The following ASPRV1 variants were observed in gnomAD, a reference collection of about 807,000 sequenced individuals.
The protein encoded by ASPRV1 is aspartic peptidase retroviral like 1, also known as retroviral-like aspartic protease 1.
Under a neutral mutation model 11.0 loss-of-function variants are expected in ASPRV1, and 7 were observed. That is an observed-to-expected ratio of 0.64 (90% confidence interval 0.36 to 1.20). ASPRV1 has a LOEUF of 1.20. ASPRV1 is among the 50% of genes most tolerant of loss of function. The pLI is 0.02. For synonymous variants in ASPRV1, 136 were observed against 138.4 expected (o/e 0.98, Z 0.12); for missense variants, 299 against 320.0 (o/e 0.93, Z 0.50).
downstream of ASPRV1, among the ~76,000 whole-genome samples, chr2:69,959,058 G>A (rs991327785): frequency 2.0e-5 from 3 of 152,164 alleles, no homozygotes; most frequent in Non-Finnish European, 2.9e-5. Context: ...TCGGAGGGAA[G>A]AAGGGGCCAG....
At chr2:70,013,028 A>G in the ASPRV1 span, among the ~76,000 whole-genome samples, 397 of 152,330 alleles carry the variant, frequency 2.6e-3, 8 homozygotes, top group Non-Finnish European at 5.9e-4. Flanking sequence ...TAGATACCTA[A>G]AGACTTCTTA....
the ASPRV1 span, among the ~76,000 whole-genome samples, chr2:69,945,813 C>T: frequency 1.3e-5 from 2 of 152,214 alleles, no homozygotes; most frequent in Non-Finnish European, 2.9e-5. Context: ...GGTATTGGAG[C>T]TAGAGAGGCC....
the ASPRV1 span, chr2:70,069,008 G>A: frequency 6.6e-6 from 1 of 151,252 alleles, no homozygotes; most frequent in Non-Finnish European, 1.5e-5. Context: ...AGAGATCATG[G>A]GCAGCTTTCT....
the ASPRV1 span, among the ~76,000 whole-genome samples, chr2:70,021,920 G>A: frequency 6.6e-6 from 1 of 150,800 alleles, no homozygotes; most frequent in Non-Finnish European, 1.5e-5. Context: ...TAGCCAAGAT[G>A]GTCTCGATCT....
At chr2:69,996,226 A>AAC in the ASPRV1 span, among the ~76,000 whole-genome samples, 1 of 150,502 alleles carries the variant, frequency 6.6e-6, no homozygotes, top group African/African-American at 2.4e-5. Flanking sequence ...AAAAAAAAAA[A>AAC]AAAAAAAAAA....
the ASPRV1 span, among the ~76,000 whole-genome samples, chr2:69,973,373 A>G: frequency 6.6e-6 from 1 of 152,116 alleles, no homozygotes; most frequent in African/African-American, 2.4e-5. Context: ...CAGATGTTGG[A>G]ACTTCACTTG....
At chr2:69,944,317 G>GA in the ASPRV1 span, among the ~76,000 whole-genome samples, 46 of 152,320 alleles carry the variant, frequency 3.0e-4, no homozygotes, top group African/African-American at 1.1e-3. Context: ...GTAGCTGGAT[G>GA]AAAAAATGTC....
At chr2:69,978,227 G>A in the ASPRV1 span, among the ~76,000 whole-genome samples, 1 of 151,832 alleles carries the variant, frequency 6.6e-6, no homozygotes, top group African/African-American at 2.4e-5. Context: ...CTTCCCCAGG[G>A]GGCTCTGTAC....
chr2:70,080,563 T>C, the ASPRV1 span, among the ~76,000 whole-genome samples: 1 of 152,094 alleles, frequency 6.6e-6, no homozygotes, highest in African/African-American at 2.4e-5. Context: ...GAGTTATCAA[T>C]CATTTGCTAA....
At chr2:70,084,145 A>G in the ASPRV1 span, among the ~76,000 whole-genome samples, 4 of 152,358 alleles carry the variant, frequency 2.6e-5, no homozygotes, top group Admixed American at 2.0e-4. Flanking sequence ...ACTAAGTCCC[A>G]GGAGTACATA....
the ASPRV1 span, among the ~76,000 whole-genome samples, chr2:69,934,334 A>G: frequency 6.6e-6 from 1 of 152,182 alleles, no homozygotes. Context: ...TCTTACATTC[A>G]TAGAATTTTC....
chr2:70,002,307 A>AATCTTGCCTCCTCAATTTGCTGTGG, the ASPRV1 span, among the ~76,000 whole-genome samples: 1 of 152,200 alleles, frequency 6.6e-6, no homozygotes, highest in Non-Finnish European at 1.5e-5. Flanking sequence ...TTTCAAGCTT[A>AATCTTGCCTCCTCAATTTGCTGTGG]ATCTTGCCTC....
At chr2:70,001,933 T>C in the ASPRV1 span, among the ~76,000 whole-genome samples, 1 of 152,110 alleles carries the variant, frequency 6.6e-6, no homozygotes, top group Admixed American at 6.5e-5. Context: ...GAAAAAATGT[T>C]CACAATGTAT....
chr2:70,067,128 C>T, the ASPRV1 span, among the ~76,000 whole-genome samples: 9,345 of 152,110 alleles, frequency 0.061, 453 homozygotes, highest in East Asian at 0.21. Flanking sequence ...TAAAAACTAA[C>T]GTACAGGGCA....
chr2:70,003,793 G>C, the ASPRV1 span, among the ~76,000 whole-genome samples: 1 of 152,342 alleles, frequency 6.6e-6, no homozygotes, highest in East Asian at 1.9e-4. Flanking sequence ...TGTGGGGCCT[G>C]AGAAGTGATC....
the ASPRV1 span, among the ~76,000 whole-genome samples, chr2:69,994,772 C>T: frequency 7.3e-5 from 11 of 151,592 alleles, no homozygotes; most frequent in Non-Finnish European, 1.0e-4. Context: ...CCGAGGAGGG[C>T]GGATCATGAG....
chr2:70,079,736 A>G, the ASPRV1 span, among the ~76,000 whole-genome samples: 3 of 152,334 alleles, frequency 2.0e-5, no homozygotes, highest in South Asian at 6.2e-4. Flanking sequence ...CACTGACTCT[A>G]CATACATTTT....
chr2:69,989,504 C>T, the ASPRV1 span, among the ~76,000 whole-genome samples: 2 of 152,198 alleles, frequency 1.3e-5, no homozygotes, highest in Non-Finnish European at 2.9e-5. Context: ...CCCAGGTGTG[C>T]CCAGGAGGCC....
At chr2:70,070,291 AG>A in the ASPRV1 span, 2 of 152,124 alleles carry the variant, frequency 1.3e-5, no homozygotes, top group Non-Finnish European at 2.9e-5. Context: ...ATTACTTACA[AG>A]GAAAAAAAAT....
Sources: gnomAD v4.1 joint callset for allele counts (sites outside exome capture counted in the v4.1 genomes callset) on GRCh38, gnomAD v4.1.1 for gene constraint, MANE v1.5 for transcripts, NCBI Gene and HGNC (gene_info 2026-07-23, HGNC 2026-07-21) for gene names.